MGAT4C: variants seen among roughly 807,000 people sequenced by gnomAD.
The protein encoded by MGAT4C is MGAT4 family member C.
Under a neutral mutation model 40.1 loss-of-function variants are expected in MGAT4C, and 19 were observed. The ratio of observed to expected loss-of-function variants is 0.47; its 90% CI spans 0.33 to 0.70. The LOEUF is 0.70. Ranked by LOEUF, MGAT4C falls within the 30% of genes least tolerant of loss-of-function variation. The probability of loss-of-function intolerance (pLI) is 0.02; values close to 1 mark genes in which losing one functional copy is unlikely to be tolerated. For synonymous variants in MGAT4C, 181 were observed against 187.1 expected (o/e 0.97, Z 0.27); for missense variants, 491 against 563.2 (o/e 0.87, Z 1.30).
intron 4 of MGAT4C, among the ~76,000 whole-genome samples, chr12:86,263,272 A>G (rs762041806): frequency 1.2e-4 from 19 of 152,126 alleles, no homozygotes; most frequent in Non-Finnish European, 2.4e-4. Context: ...TAGGGTATCT[A>G]TCACCCAAAT....
rs967044725 is a variant in MGAT4C at position 86,305,068 on chromosome 12, T to C, written c.-57+28997A>G. On this transcript the variant is annotated intron_variant, in intron 4 of 7. Coordinates refer to the MGAT4C transcript ENST00000548651. ...GGTCTTTATCAAAAATAAATGTAGT[T>C]TTAATTCTGATTTAAATTAGGTTTG... 1.3e-5 allele frequency among the ~76,000 whole-genome samples: 2 copies of C among 150,702 alleles called. 1 individual carries two copies. The highest frequency in any genetic ancestry group is 5.0e-5 in the African/African-American group (2 of 40,076).
intron 1 of MGAT4C, among the ~76,000 whole-genome samples, chr12:86,771,130 A>G (rs1382581834): frequency 6.6e-6 from 1 of 152,154 alleles, no homozygotes; most frequent in African/African-American, 2.4e-5. Flanking sequence ...GCCATATTCA[A>G]GCTAAGGAAA....
upstream of MGAT4C, among the ~76,000 whole-genome samples, chr12:86,257,297 G>C (rs955122553): frequency 6.6e-6 from 1 of 152,140 alleles, no homozygotes; most frequent in Non-Finnish European, 1.5e-5. Context: ...CTGCCAGAGG[G>C]ACAAAACTAC....
At chr12:86,222,495 T>C (rs556817925) in intron 1 of MGAT4C, among the ~76,000 whole-genome samples, 1 of 152,314 alleles carries the variant, frequency 6.6e-6, no homozygotes, top group African/African-American at 2.4e-5. Flanking sequence ...CTGAAAACTC[T>C]TTCTATCCAC....
At chr12:86,670,019 G>GA in intron 2 of MGAT4C, among the ~76,000 whole-genome samples, 1 of 147,164 alleles carries the variant, frequency 6.8e-6, no homozygotes, top group East Asian at 2.0e-4. Context: ...AAAGAAAAAA[G>GA]AAAATCAATA....
At chr12:86,403,300 G>C (rs1956404869) in intron 3 of MGAT4C, among the ~76,000 whole-genome samples, 1 of 152,100 alleles carries the variant, frequency 6.6e-6, no homozygotes, top group Admixed American at 6.6e-5. Flanking sequence ...TTTAGACAAT[G>C]GTCTGTAACC....
At chr12:86,729,299 C>A (rs976256153) in intron 1 of MGAT4C, among the ~76,000 whole-genome samples, 6 of 151,938 alleles carry the variant, frequency 3.9e-5, no homozygotes, top group Non-Finnish European at 7.4e-5. Flanking sequence ...GCATTGCCTG[C>A]CTGTATCAAA....
At position 86,342,673 on chromosome 12, in the gene MGAT4C, T is replaced by C. The variant is rs571225094; in HGVS notation, c.-119-8546A>G. Among the ~76,000 whole-genome samples the C allele has an allele frequency of 2.5e-3, 381 of 152,246 alleles. 2 individuals carry two copies. Among genetic ancestry groups the C allele is most frequent in the Non-Finnish European group, 3.6e-3 (245 of 68,012 alleles). ...CCAGGATGATCTCGATCTCCTGATC[T>C]CGTGATCCGCCCACCTCGGCCTCCC... On this transcript the variant is annotated intron_variant, in intron 3 of 7. Coordinates refer to the MGAT4C transcript ENST00000548651.
chr12:86,653,218 T>C lies in MGAT4C; in HGVS notation c.-229+73991A>G, dbSNP rs546196113. On this transcript the variant is annotated intron_variant, in intron 2 of 7. Coordinates refer to the MGAT4C transcript ENST00000548651. ...TAGTCAGATTAAGTAATACAGAAGTTTATTTCTCTCACATACAATTTTCCA... is the reference window on the plus strand; with the variant it reads ...TAGTCAGATTAAGTAATACAGAAGTCTATTTCTCTCACATACAATTTTCCA... Among the ~76,000 whole-genome samples the C allele has an allele frequency of 3.3e-5, 5 of 151,996 alleles. No homozygotes were observed. In the East Asian group the frequency reaches 9.7e-4, roughly 30 times the overall value.
At chr12:86,835,278 A>G (rs936336579) in intron 1 of MGAT4C, among the ~76,000 whole-genome samples, 2 of 152,014 alleles carry the variant, frequency 1.3e-5, no homozygotes, top group Non-Finnish European at 2.9e-5. Flanking sequence ...CTATTTTTGT[A>G]AAGATTTAAA....
intron 2 of MGAT4C, among the ~76,000 whole-genome samples, chr12:86,514,382 T>C (rs117653035): frequency 0.037 from 5,682 of 152,222 alleles, 170 homozygotes; most frequent in South Asian, 0.088. Flanking sequence ...TGACACGAGT[T>C]TATTATATGT....
chr12:85,992,057 T>C (rs1023671519), intron 2 of MGAT4C, among the ~76,000 whole-genome samples: 13 of 152,142 alleles, frequency 8.5e-5, no homozygotes, highest in Non-Finnish European at 1.3e-4. Context: ...CTGTAACATT[T>C]TGGGGGCTCA....
Position 85,977,345 on chromosome 12 carries a change from C to A in MGAT4C, c.*1944G>T, listed in dbSNP as rs1884069117. 6.6e-6 allele frequency: 1 copy of A among 151,430 alleles called. No homozygotes were observed. Among genetic ancestry groups the A allele is most frequent in the Non-Finnish European group, 1.5e-5 (1 of 67,510 alleles). 9.4% of individuals were successfully genotyped at this position (151,430 alleles called of 1,614,324 possible). A position where few individuals can be genotyped will look rare whatever the true frequency, so the allele number is the denominator to read the frequency against. On this transcript the variant is annotated 3_prime_UTR_variant, in exon 5 of 5. Transcript: ENST00000611864. ...ATTTGTAACTTCTGAGATATACACA[C>A]AATACTATCAACTAGCCGGTTAATA...
chr12:86,186,788 C>T lies in MGAT4C; in HGVS notation c.-57+69451G>A, dbSNP rs186728416. 8.8e-4 allele frequency among the ~76,000 whole-genome samples: 134 copies of T among 152,176 alleles called. 2 individuals are homozygous for T. Among genetic ancestry groups the T allele is most frequent in the Admixed American group, 8.6e-3 (131 of 15,264 alleles). On this transcript the variant is annotated intron_variant, in intron 1 of 4. Transcript: ENST00000611864. ...GTCTGCAATAGGCCTTTCCTGTGTT[C>T]GTAAGACCAGTTACATCTAACTGAA... is the stretch of plus-strand genomic sequence containing the variant.
chr12:86,376,818 C>CAG (rs34852259), intron 3 of MGAT4C, among the ~76,000 whole-genome samples: 28 of 125,370 alleles, frequency 2.2e-4, no homozygotes, highest in Middle Eastern at 4.5e-3. Context: ...GAGAGAGAGA[C>CAG]AGAGAGAGAG....
At chr12:86,399,997 G>C (rs1208905933) in intron 3 of MGAT4C, among the ~76,000 whole-genome samples, 1 of 152,186 alleles carries the variant, frequency 6.6e-6, no homozygotes. Flanking sequence ...AATGGGGTTT[G>C]TGATTGGCAT....
At chr12:86,696,827 A>C (rs1050109369) in intron 2 of MGAT4C, among the ~76,000 whole-genome samples, 4 of 152,280 alleles carry the variant, frequency 2.6e-5, no homozygotes, top group Admixed American at 2.0e-4. Flanking sequence ...AACAAAAAGA[A>C]ATCTGCTTTT....
intron 1 of MGAT4C, among the ~76,000 whole-genome samples, chr12:86,149,167 A>T (rs1272284938): frequency 2.6e-5 from 4 of 152,142 alleles, no homozygotes; most frequent in Admixed American, 6.5e-5. Flanking sequence ...TTTATTTTTT[A>T]AATTTTTTCA....
intron 1 of MGAT4C, among the ~76,000 whole-genome samples, chr12:86,149,662 A>G (rs1884021266): frequency 6.6e-6 from 1 of 152,220 alleles, no homozygotes; most frequent in African/African-American, 2.4e-5. Context: ...CTGTAAAGAA[A>G]TTATCTAAAG....
Sources: gnomAD v4.1 joint callset for allele counts (sites outside exome capture counted in the v4.1 genomes callset) on GRCh38, gnomAD v4.1.1 for gene constraint, MANE v1.5 for transcripts, NCBI Gene and HGNC (gene_info 2026-07-23, HGNC 2026-07-21) for gene names.